RCAN2: variants seen among roughly 807,000 people sequenced by gnomAD.
The protein encoded by RCAN2 is calcipressin-2.
In RCAN2, 9 loss-of-function variants were observed where a neutral mutation model predicts 23.6. The ratio of observed to expected loss-of-function variants is 0.38; its 90% CI spans 0.23 to 0.67. The LOEUF (loss-of-function observed/expected upper bound fraction) is 0.67, where lower values mean the gene tolerates loss of function less well. RCAN2 is among the 30% of genes least tolerant of loss of function. RCAN2 has a pLI of 0.51. For synonymous variants in RCAN2, 109 were observed against 115.7 expected, an observed-to-expected ratio of 0.94 and a Z score of 0.37; for missense variants, 273 against 302.3, an observed-to-expected ratio of 0.90 and a Z score of 0.72.
At chr6:46,353,409 T>C (rs1233850215) in intron 2 of RCAN2, among the ~76,000 whole-genome samples, 1 of 152,172 alleles carries the variant, frequency 6.6e-6, no homozygotes, top group Non-Finnish European at 1.5e-5. Flanking sequence ...ACAGTGCAGG[T>C]GCAGGTGGGA....
In RCAN2 at chr6:46,405,332, G is replaced by A. The variant is rs192949790; in HGVS notation, c.225+51420C>T. Among the ~76,000 whole-genome samples the A allele has an allele frequency of 2.4e-3, 365 of 152,276 alleles. 1 individual carries two copies. Among genetic ancestry groups the A allele is most frequent in the African/African-American group, 8.1e-3 (337 of 41,570 alleles). On this transcript the variant is annotated intron_variant, in intron 2 of 4. Transcript: ENST00000371374. The stretch of plus-strand genomic sequence containing the variant: ...AGAGGGAAAGAACAAAGCTTCCACA[G>A]GGTGGAAGGGGACCCGAGCGGGTTG...
chr6:46,321,342 G>A (rs956642838), intron 2 of RCAN2, among the ~76,000 whole-genome samples: 1 of 152,166 alleles, frequency 6.6e-6, no homozygotes, highest in African/African-American at 2.4e-5. Flanking sequence ...GTGAGGGCAG[G>A]GACGTTTATC....
At chr6:46,252,403 G>A (rs563944513) in intron 2 of RCAN2, among the ~76,000 whole-genome samples, 19 of 152,256 alleles carry the variant, frequency 1.2e-4, no homozygotes, top group East Asian at 5.8e-4. Flanking sequence ...CTCCTCGATC[G>A]TTAGTTCTCT....
intron 2 of RCAN2, among the ~76,000 whole-genome samples, chr6:46,255,244 A>C (rs926238213): frequency 6.6e-6 from 1 of 151,854 alleles, no homozygotes; most frequent in Non-Finnish European, 1.5e-5. Context: ...AGTACAAGAC[A>C]GGTGTGTGTG....
intron 1 of RCAN2, among the ~76,000 whole-genome samples, chr6:46,458,781 C>G (rs1252030945): frequency 6.6e-6 from 1 of 152,096 alleles, no homozygotes; most frequent in African/African-American, 2.4e-5. Context: ...GCATAAAACA[C>G]CTAATTACCG....
intron 2 of RCAN2, among the ~76,000 whole-genome samples, chr6:46,408,261 T>A (rs1018097815): frequency 6.6e-6 from 1 of 152,160 alleles, no homozygotes; most frequent in Admixed American, 6.5e-5. Flanking sequence ...CCTGTTTACA[T>A]GTTTAGAGCC....
At chr6:46,326,239 G>A (rs1034856285) in intron 2 of RCAN2, among the ~76,000 whole-genome samples, 19 of 152,136 alleles carry the variant, frequency 1.2e-4, no homozygotes, top group African/African-American at 4.3e-4. Context: ...GACCAGTAAC[G>A]CTAAGAGCAC....
intron 2 of RCAN2, among the ~76,000 whole-genome samples, chr6:46,270,386 C>T (rs1767483965): frequency 6.6e-6 from 1 of 152,192 alleles, no homozygotes; most frequent in Non-Finnish European, 1.5e-5. Context: ...GCTCACAGAC[C>T]ACCCTCTCAT....
intron 4 of RCAN2, among the ~76,000 whole-genome samples, chr6:46,227,366 G>A (rs1765707611): frequency 6.6e-6 from 1 of 152,180 alleles, no homozygotes; most frequent in Non-Finnish European, 1.5e-5. Context: ...AATGGTACCA[G>A]CTTTTCCTTG....
chr6:46,445,208 T>A (rs1041231570), intron 2 of RCAN2, among the ~76,000 whole-genome samples: 6 of 152,194 alleles, frequency 3.9e-5, no homozygotes, highest in African/African-American at 1.4e-4. Flanking sequence ...AGACTCAGGC[T>A]CTAGGCCTGT....
intron 2 of RCAN2, among the ~76,000 whole-genome samples, chr6:46,365,244 G>A (rs1765134248): frequency 6.6e-6 from 1 of 152,116 alleles, no homozygotes; most frequent in Non-Finnish European, 1.5e-5. Context: ...GGGAGGTCAA[G>A]GCGGGTGGAT....
rs1561834120 is a variant in RCAN2 at position 46,263,547 on chromosome 6, GTGTGTGTGTGTGTA to G, written c.226-14665_226-14652del. ...TGTGTGTGTGTGTGTGTATGTGTGT[GTGTGTGTGTGTGTA>G]TGTGTGTGTGTGTTAGTATAGGGGG... is the stretch of plus-strand genomic sequence containing the variant. On this transcript the variant is annotated intron_variant, in intron 2 of 4. Transcript: ENST00000371374. Among the ~76,000 whole-genome samples, 399 of 119,256 alleles carry G rather than the reference GTGTGTGTGTGTGTA, an allele frequency of 3.3e-3. 8 individuals are homozygous for G. Among genetic ancestry groups the G allele is most frequent in the African/African-American group, 0.012 (376 of 32,338 alleles). 78.2% of individuals were successfully genotyped at this position (119,256 alleles called of 152,430 possible).
intron 2 of RCAN2, among the ~76,000 whole-genome samples, chr6:46,406,127 G>A (rs1042131362): frequency 6.6e-6 from 1 of 152,022 alleles, no homozygotes; most frequent in East Asian, 1.9e-4. Context: ...GCGCAGCCCC[G>A]GTTCCTGCTC....
chr6:46,252,904 T>C lies in RCAN2; in HGVS notation c.226-4008A>G, dbSNP rs192421664. Among the ~76,000 whole-genome samples the C allele has an allele frequency of 3.8e-3, 574 of 152,338 alleles. 6 individuals carry two copies. Among genetic ancestry groups the C allele is most frequent in the African/African-American group, 0.013 (545 of 41,574 alleles). ...TTCAAATAATTGTGAGTATTCTTCA[T>C]TGATATCTCATCAAAACTCAATAAG... On this transcript the variant is annotated intron_variant, in intron 2 of 4. Coordinates refer to ENST00000371374, the MANE Select transcript of RCAN2 (RefSeq NM_001251974.2).
At chr6:46,388,072 G>T (rs987310144) in intron 2 of RCAN2, among the ~76,000 whole-genome samples, 2 of 150,908 alleles carry the variant, frequency 1.3e-5, no homozygotes, top group Non-Finnish European at 3.0e-5. Context: ...TTGGACCCAG[G>T]AAGGGGAACA....
At chr6:46,255,076 T>C (rs761087473) in intron 2 of RCAN2, among the ~76,000 whole-genome samples, 10 of 152,198 alleles carry the variant, frequency 6.6e-5, no homozygotes, top group Non-Finnish European at 1.3e-4. Context: ...ACTCAGTTTG[T>C]GGCACTTGGT....
chr6:46,366,598 G>T (rs1351955557), intron 2 of RCAN2, among the ~76,000 whole-genome samples: 1 of 152,002 alleles, frequency 6.6e-6, no homozygotes, highest in Non-Finnish European at 1.5e-5. Context: ...TTTTGAATGT[G>T]TCGTCCTTTA....
intron 2 of RCAN2, among the ~76,000 whole-genome samples, chr6:46,269,741 T>C (rs143478167): frequency 3.0e-4 from 46 of 152,252 alleles, no homozygotes; most frequent in Non-Finnish European, 5.9e-4. Flanking sequence ...GCTGTCAGGA[T>C]CAACACCTGT....
At chr6:46,272,627 T>C (rs1460683709) in intron 2 of RCAN2, among the ~76,000 whole-genome samples, 2 of 152,254 alleles carry the variant, frequency 1.3e-5, no homozygotes, top group Non-Finnish European at 2.9e-5. Context: ...AATGTTAAAA[T>C]GCTTTTCTGT....
Sources: gnomAD v4.1 joint callset for allele counts (sites outside exome capture counted in the v4.1 genomes callset) on GRCh38, gnomAD v4.1.1 for gene constraint, MANE v1.5 for transcripts, NCBI Gene and HGNC (gene_info 2026-07-23, HGNC 2026-07-21) for gene names.